The following LSAMP variants were observed in gnomAD, a reference collection of about 807,000 sequenced individuals.
LSAMP encodes limbic system associated membrane protein.
LSAMP carries 7 observed loss-of-function variants against 38.6 expected under a neutral mutation model. The observed-to-expected ratio is 0.18, with a 90% CI of 0.10 to 0.34. LSAMP has a LOEUF of 0.34. Ranked by LOEUF, LSAMP falls within the 10% of genes least tolerant of loss-of-function variation. The probability of loss-of-function intolerance (pLI) is 1.00; values close to 1 mark genes in which losing one functional copy is unlikely to be tolerated. For synonymous variants in LSAMP, 154 were observed against 166.8 expected (o/e 0.92, Z 0.59); for missense variants, 313 against 420.0 (o/e 0.75, Z 2.23).
chr3:116,016,376 G>A (rs1447309737), intron 3 of LSAMP, among the ~76,000 whole-genome samples: 4 of 152,188 alleles, frequency 2.6e-5, no homozygotes, highest in East Asian at 1.9e-4. Context: ...GTCTGCAAAC[G>A]CAATAGAAAG....
intron 1 of LSAMP, among the ~76,000 whole-genome samples, chr3:116,161,934 G>A (rs1275254051): frequency 6.6e-6 from 1 of 151,884 alleles, no homozygotes; most frequent in Non-Finnish European, 1.5e-5. Context: ...ATGGAGGTTG[G>A]CAGGCAAGGG....
At position 116,071,050 on chromosome 3, in the gene LSAMP, AAAT is replaced by A. The variant is rs1432423128; in HGVS notation, c.388+15271_388+15273del. 7.9e-4 allele frequency among the ~76,000 whole-genome samples: 107 copies of A among 135,310 alleles called. 1 individual carries two copies. Among genetic ancestry groups the A allele is most frequent in the East Asian group, 8.0e-4 (4 of 4,974 alleles). 88.8% of individuals were successfully genotyped at this position (135,310 alleles called of 152,430 possible). ...AATGAAACTCCATCTCAAAATAAAT[AAAT>A]AATAAATAAATAAATAAATAAATAA... On this transcript the variant is annotated intron_variant, in intron 2 of 6. Coordinates refer to ENST00000490035, the MANE Select transcript of LSAMP (RefSeq NM_002338.5).
chr3:115,886,643 A>G (rs767461276), intron 3 of LSAMP, among the ~76,000 whole-genome samples: 2 of 151,922 alleles, frequency 1.3e-5, no homozygotes, highest in African/African-American at 4.8e-5. Context: ...TAGTGCCTCT[A>G]GCTAATCTAG....
At chr3:116,348,608 G>A (rs753715679) in intron 1 of LSAMP, among the ~76,000 whole-genome samples, 8 of 151,992 alleles carry the variant, frequency 5.3e-5, no homozygotes, top group Admixed American at 1.3e-4. Context: ...CCATTTCACC[G>A]AAAGCATTTG....
chr3:116,367,560 A>G (rs933514764), intron 1 of LSAMP, among the ~76,000 whole-genome samples: 20 of 144,418 alleles, frequency 1.4e-4, no homozygotes, highest in Non-Finnish European at 3.0e-4. Flanking sequence ...GCTGGAGTGC[A>G]GTGGTGCAAT....
chr3:116,019,500 T>G lies in LSAMP; in HGVS notation c.514+15A>C. On this transcript the variant is annotated intron_variant, in intron 3 of 6. Coordinates refer to ENST00000490035, the MANE Select transcript of LSAMP (RefSeq NM_002338.5). ...AAACAGCATGTGGCATATTGGAACCTGGAGTATTGCTTACCAGTTGGTGTA... is the reference window on the plus strand; with the variant it reads ...AAACAGCATGTGGCATATTGGAACCGGGAGTATTGCTTACCAGTTGGTGTA... 6.2e-7 allele frequency: 1 copy of G among 1,610,114 alleles called. No individual in the cohort carries two copies. Among genetic ancestry groups the G allele is most frequent in the Non-Finnish European group, 8.5e-7 (1 of 1,177,388 alleles).
At chr3:115,953,883 C>T (rs1163357465) in intron 3 of LSAMP, among the ~76,000 whole-genome samples, 1 of 152,258 alleles carries the variant, frequency 6.6e-6, no homozygotes, top group South Asian at 2.1e-4. Context: ...ATGCTCTGCC[C>T]AGTTCTTTCC....
intron 3 of LSAMP, among the ~76,000 whole-genome samples, chr3:115,912,818 T>C (rs550299228): frequency 1.3e-5 from 2 of 152,302 alleles, no homozygotes; most frequent in African/African-American, 4.8e-5. Flanking sequence ...CATTGGCATT[T>C]TCAGATTGCT....
chr3:115,864,625 C>T (rs1409167429), intron 3 of LSAMP, among the ~76,000 whole-genome samples: 1 of 152,180 alleles, frequency 6.6e-6, no homozygotes, highest in African/African-American at 2.4e-5. Context: ...GTCTTCTAAA[C>T]TCCCTCAGCC....
At position 115,928,471 on chromosome 3, in the gene LSAMP, C is replaced by T. The variant is rs543900873; in HGVS notation, c.515-75854G>A. Among the ~76,000 whole-genome samples, 50 of 152,292 alleles carry T rather than the reference C, an allele frequency of 3.3e-4. 2 individuals are homozygous for T. Among genetic ancestry groups the T allele is most frequent in the African/African-American group, 8.4e-4 (35 of 41,566 alleles). ...TGTGGGTTATAAAAAAGGCTTACAC[C>T]GTATTTCCTTTGCTAAAATGTAAAT... is the stretch of plus-strand genomic sequence containing the variant. On this transcript the variant is annotated intron_variant, in intron 3 of 6. Coordinates refer to ENST00000490035, the MANE Select transcript of LSAMP (RefSeq NM_002338.5).
chr3:116,335,876 TAC>T lies in LSAMP; in HGVS notation c.155+108999_155+109000del, dbSNP rs1365102827. Among the ~76,000 whole-genome samples, 3 of 152,064 alleles carry T rather than the reference TAC, an allele frequency of 2.0e-5. No individual in the cohort carries two copies. The East Asian group carries it at 5.8e-4, about 29-fold the overall frequency. ...ACAATGGTAGTATGGGTATCGAACT[TAC>T]AGTTTCTACTCAAGATGTTTTCCTT... On this transcript the variant is annotated intron_variant, in intron 1 of 6. Transcript: ENST00000490035.
intron 2 of LSAMP, among the ~76,000 whole-genome samples, chr3:116,026,164 T>C (rs1940787487): frequency 1.3e-5 from 2 of 152,166 alleles, no homozygotes; most frequent in Non-Finnish European, 2.9e-5. Flanking sequence ...CCTAATAATA[T>C]AGACTCCCTC....
intron 1 of LSAMP, among the ~76,000 whole-genome samples, chr3:116,426,229 G>A (rs888120815): frequency 2.0e-5 from 3 of 152,118 alleles, no homozygotes; most frequent in African/African-American, 7.2e-5. Context: ...GCTAACGCCT[G>A]TAATTTCAGC....
At chr3:116,404,260 T>G (rs1480371968) in intron 1 of LSAMP, among the ~76,000 whole-genome samples, 4 of 152,124 alleles carry the variant, frequency 2.6e-5, no homozygotes, top group Non-Finnish European at 4.4e-5. Context: ...AAAATCAAGT[T>G]TAAGGATCTA....
At chr3:116,312,841 T>A (rs1228081500) in intron 1 of LSAMP, among the ~76,000 whole-genome samples, 1 of 152,226 alleles carries the variant, frequency 6.6e-6, no homozygotes, top group East Asian at 1.9e-4. Context: ...TGCAAGTGTG[T>A]GTGTATGTGT....
intron 4 of LSAMP, among the ~76,000 whole-genome samples, chr3:115,851,990 T>A (rs2107522282): frequency 6.6e-6 from 1 of 152,378 alleles, no homozygotes; most frequent in South Asian, 2.1e-4. Flanking sequence ...GACATTCCTG[T>A]TAGCCATCAG....
chr3:116,070,199 G>A (rs1707567822), intron 2 of LSAMP, among the ~76,000 whole-genome samples: 1 of 152,160 alleles, frequency 6.6e-6, no homozygotes, highest in Admixed American at 6.5e-5. Flanking sequence ...ACACTGGGAG[G>A]CTAAAGTAGA....
intron 2 of LSAMP, among the ~76,000 whole-genome samples, chr3:116,067,232 G>A (rs181289049): frequency 6.6e-6 from 1 of 152,246 alleles, no homozygotes; most frequent in Non-Finnish European, 1.5e-5. Flanking sequence ...AGCATATAAT[G>A]TGTCTGCTTC....
intron 1 of LSAMP, 83 bp from the exon 2 acceptor site, chr3:116,086,639 C>A: frequency 9.7e-7 from 1 of 1,027,900 alleles, no homozygotes; most frequent in South Asian, 1.4e-5. Context: ...CTCAACAAGT[C>A]TAAACAAGGA....
Sources: allele counts gnomAD v4.1 joint callset (sites outside exome capture counted in the v4.1 genomes callset), GRCh38; gene constraint gnomAD v4.1.1; transcripts MANE v1.5; gene names NCBI Gene and HGNC (gene_info 2026-07-23, HGNC 2026-07-21).